Variants in TRPM3 observed in about 807,000 individuals in gnomAD.
TRPM3 encodes transient receptor potential cation channel subfamily M member 3.
Under a neutral mutation model 181.2 loss-of-function variants are expected in TRPM3, and 77 were observed. The ratio of observed to expected loss-of-function variants is 0.42; its 90% CI spans 0.35 to 0.51. TRPM3 has a LOEUF of 0.51. Ranked by LOEUF, TRPM3 falls within the 20% of genes least tolerant of loss-of-function variation. The pLI, the probability that TRPM3 is intolerant of heterozygous loss-of-function variation, is 0.01. For synonymous variants in TRPM3, 745 were observed against 796.4 expected, an observed-to-expected ratio of 0.94 and a Z score of 1.09; for missense variants, 1,759 against 2,196.7, an observed-to-expected ratio of 0.80 and a Z score of 3.98.
intron 1 of TRPM3, among the ~76,000 whole-genome samples, chr9:71,435,838 A>G (rs2094024967): frequency 6.6e-6 from 1 of 152,204 alleles, no homozygotes; most frequent in African/African-American, 2.4e-5. Flanking sequence ...AGGTGGGCCC[A>G]ATGTAATCAT....
intron 1 of TRPM3, among the ~76,000 whole-genome samples, chr9:71,077,428 TC>T (rs1386719611): frequency 6.6e-6 from 1 of 152,140 alleles, no homozygotes; most frequent in Non-Finnish European, 1.5e-5. Flanking sequence ...CACTCCTCAA[TC>T]CCATTTCAGG....
At chr9:70,686,515 T>C (rs1209111452) in intron 8 of TRPM3, among the ~76,000 whole-genome samples, 1 of 152,208 alleles carries the variant, frequency 6.6e-6, no homozygotes, top group Admixed American at 6.5e-5. Context: ...ATTTTGATCC[T>C]GTATGGTAAC....
intron 1 of TRPM3, among the ~76,000 whole-genome samples, chr9:71,425,733 G>T (rs1048338527): frequency 2.6e-5 from 4 of 151,954 alleles, no homozygotes; most frequent in Non-Finnish European, 4.4e-5. Context: ...CTCTTCAATG[G>T]TTCCCATCAT....
chr9:70,757,614 C>T (rs1157047525), intron 8 of TRPM3, among the ~76,000 whole-genome samples: 1 of 152,162 alleles, frequency 6.6e-6, no homozygotes, highest in Non-Finnish European at 1.5e-5. Context: ...TCAAATCCAG[C>T]AGCACATCAG....
intron 7 of TRPM3, among the ~76,000 whole-genome samples, chr9:70,763,942 A>G (rs957834518): frequency 1.2e-4 from 18 of 152,300 alleles, no homozygotes; most frequent in African/African-American, 4.1e-4. Context: ...AGGGTTGGGT[A>G]AGAGAATTAA....
chr9:71,367,873 A>G (rs1056697620), intron 1 of TRPM3, among the ~76,000 whole-genome samples: 2 of 151,930 alleles, frequency 1.3e-5, no homozygotes, highest in Admixed American at 6.6e-5. Flanking sequence ...CCTAACGGTT[A>G]TTTTCTCCTA....
Position 70,537,232 on chromosome 9 carries a change from C to A in TRPM3, c.3881G>T (p.Arg1294Leu). 6.3e-7 allele frequency: 1 copy of A among 1,597,000 alleles called. No individual in the cohort carries two copies. The highest frequency in any genetic ancestry group is 8.6e-7 in the Non-Finnish European group (1 of 1,167,388). ...GLERAESNKI[R>L]SRTSSDCTDA... ...CGTGCAGTCTGACGAGGTCCTCGAGCGGATTTTGTTGGACTCGGCCCGCTC... is the reference window on the plus strand; with the variant it reads ...CGTGCAGTCTGACGAGGTCCTCGAGAGGATTTTGTTGGACTCGGCCCGCTC... The change falls in exon 26 of 26, where the codon CGC becomes CTC. Residue 1294 changes from arginine (R) to leucine (L), a missense_variant. Around this residue, in one of 8 missense-constraint regions of TRPM3, gnomAD observed 612 missense variants for 590.0 expected, o/e 1.04. Transcript: ENST00000677713.
At chr9:70,571,748 G>A (rs2052456512) in intron 22 of TRPM3, among the ~76,000 whole-genome samples, 1 of 152,150 alleles carries the variant, frequency 6.6e-6, no homozygotes, top group Non-Finnish European at 1.5e-5. Flanking sequence ...TGCTTGATAT[G>A]TAGAAAGCAC....
intron 1 of TRPM3, among the ~76,000 whole-genome samples, chr9:71,306,970 C>T (rs576496008): frequency 3.9e-5 from 6 of 152,360 alleles, no homozygotes; most frequent in African/African-American, 1.4e-4. Flanking sequence ...ATATCTTTGA[C>T]ATTACTACAA....
intron 1 of TRPM3, among the ~76,000 whole-genome samples, chr9:70,890,450 T>C (rs533603044): frequency 6.6e-6 from 1 of 152,104 alleles, no homozygotes; most frequent in Admixed American, 6.6e-5. Context: ...TTGCAGAACA[T>C]AAATTTCCAA....
At chr9:71,248,207 T>C (rs538492932) in intron 1 of TRPM3, among the ~76,000 whole-genome samples, 2 of 152,338 alleles carry the variant, frequency 1.3e-5, no homozygotes, top group East Asian at 3.9e-4. Context: ...TCTCCCACTA[T>C]GTGACTTAGT....
At chr9:71,247,211 G>T (rs2082079726) in intron 1 of TRPM3, among the ~76,000 whole-genome samples, 1 of 151,986 alleles carries the variant, frequency 6.6e-6, no homozygotes, top group South Asian at 2.1e-4. Flanking sequence ...TTAATTAGCT[G>T]GGCGTGGTGG....
intron 8 of TRPM3, among the ~76,000 whole-genome samples, chr9:70,752,033 TGTGTGTGTGTGTGTGTGCGCGC>T (rs1238514475): frequency 7.8e-5 from 9 of 115,856 alleles, no homozygotes; most frequent in African/African-American, 2.5e-4. Context: ...TGTGTGTGTG[TGTGTGTGTGTGTGTGTGCGCGC>T]GCGCGCGCAT....
chr9:71,131,166 T>A lies in TRPM3; in HGVS notation c.184-266655A>T, dbSNP rs145646238. ...TCCAATTCATCATGCCTAACCACTT[T>A]TATTTCTTCTAGTTTTGTTTCCTGT... On this transcript the variant is annotated intron_variant, in intron 1 of 24. Coordinates refer to the TRPM3 transcript ENST00000357533. Among the ~76,000 whole-genome samples, 1,078 of 152,260 alleles carry A rather than the reference T, an allele frequency of 7.1e-3. 16 individuals are homozygous for A. The highest frequency in any genetic ancestry group is 0.024 in the African/African-American group (1,009 of 41,560).
rs1424054810 is a variant in TRPM3, at chr9:70,533,091, T to G, written c.*2862A>C. On this transcript the variant is annotated 3_prime_UTR_variant, in exon 26 of 26. Transcript: ENST00000677713. ...TTAATTTTCATGCACAACAAAAGAA[T>G]CAGGTAATTGCAAGATCAGGACTGT... The G allele has an allele frequency of 1.3e-5, 2 of 152,158 alleles. No homozygotes were observed. The highest frequency in any genetic ancestry group is 4.8e-5 in the African/African-American group (2 of 41,438). 9.4% of individuals were successfully genotyped at this position (152,158 alleles called of 1,614,324 possible). A position where few individuals can be genotyped will look rare whatever the true frequency, so the allele number is the denominator to read the frequency against.
intron 1 of TRPM3, among the ~76,000 whole-genome samples, chr9:71,072,271 G>T (rs997287843): frequency 6.6e-6 from 1 of 151,964 alleles, no homozygotes; most frequent in African/African-American, 2.4e-5. Context: ...TTGCTTTTAG[G>T]GTGGTCATGA....
intron 1 of TRPM3, among the ~76,000 whole-genome samples, chr9:70,999,272 G>T (rs185994295): frequency 8.3e-4 from 127 of 152,294 alleles, no homozygotes; most frequent in South Asian, 1.7e-3. Flanking sequence ...TAACTGAACT[G>T]ATTTCTCCAG....
intron 19 of TRPM3, among the ~76,000 whole-genome samples, chr9:70,609,304 A>G (rs2132976142): frequency 6.6e-6 from 1 of 152,364 alleles, no homozygotes; most frequent in East Asian, 1.9e-4. Flanking sequence ...AGAGCTGTAT[A>G]AAATATATGA....
At chr9:71,300,479 CTT>C (rs1228365207) in intron 1 of TRPM3, among the ~76,000 whole-genome samples, 3 of 152,034 alleles carry the variant, frequency 2.0e-5, no homozygotes, top group Non-Finnish European at 4.4e-5. Context: ...AAATAGAAGA[CTT>C]ATACACTTAA....
Sources: gnomAD v4.1 joint callset for allele counts (sites outside exome capture counted in the v4.1 genomes callset) on GRCh38, gnomAD v4.1.1 for gene constraint, gnomAD v4.1.1 regional missense constraint, MANE v1.5 for transcripts, NCBI Gene and HGNC (gene_info 2026-07-23, HGNC 2026-07-21) for gene names.